Variants in OTOA observed in about 807,000 individuals in gnomAD.
The protein encoded by OTOA is otoancorin.
OTOA carries 70 observed loss-of-function variants against 110.8 expected under a neutral mutation model. The observed-to-expected ratio is 0.63, with a 90% CI of 0.52 to 0.77. The LOEUF is 0.77. OTOA is among the 30% of genes least tolerant of loss of function. The pLI is 0.00. For synonymous variants in OTOA, 373 were observed against 431.5 expected (o/e 0.86, Z 1.68); for missense variants, 917 against 1,075.8 (o/e 0.85, Z 2.06).
chr16:21,679,294 G>T, intron 5 of OTOA, 83 bp downstream of exon 5: 3 of 1,431,676 alleles, frequency 2.1e-6, no homozygotes, highest in Middle Eastern at 3.6e-4. Context: ...ATTGTAAAAA[G>T]TAATATGTGC....
chr16:21,736,688 G>A (rs964551637), intron 22 of OTOA, among the ~76,000 whole-genome samples: 1 of 152,042 alleles, frequency 6.6e-6, no homozygotes, highest in African/African-American at 2.4e-5. Flanking sequence ...AAAATTAGCC[G>A]GGTGTGGTGG....
chr16:21,682,884 C>T (rs960292853), intron 6 of OTOA, among the ~76,000 whole-genome samples: 1 of 152,190 alleles, frequency 6.6e-6, no homozygotes, highest in Non-Finnish European at 1.5e-5. Context: ...GGTCCCAGGA[C>T]AGCCACTAGC....
chr16:21,708,242 GCATTA>G (rs1898251863), intron 12 of OTOA, among the ~76,000 whole-genome samples: 1 of 152,118 alleles, frequency 6.6e-6, no homozygotes, highest in Non-Finnish European at 1.5e-5. Flanking sequence ...AGATCATCAG[GCATTA>G]GATTCTCATA....
At chr16:21,695,291 GC>G (rs1326622392) in intron 9 of OTOA, among the ~76,000 whole-genome samples, 2 of 148,400 alleles carry the variant, frequency 1.3e-5, no homozygotes, top group African/African-American at 5.0e-5. Flanking sequence ...TGTAGTCCTA[GC>G]TACTAGGGAG....
chr16:21,729,771 T>G (rs1364795929), intron 20 of OTOA: 1 of 152,234 alleles, frequency 6.6e-6, no homozygotes, highest in Non-Finnish European at 1.5e-5. Flanking sequence ...TCAGATAGAC[T>G]TCTTTCACTT....
chr16:21,677,250 C>T (rs1054487328), intron 1 of OTOA, among the ~76,000 whole-genome samples: 1 of 152,100 alleles, frequency 6.6e-6, no homozygotes, highest in Non-Finnish European at 1.5e-5. Context: ...ATATTTAACT[C>T]TGTAAGACAC....
At chr16:21,666,887 C>A (rs1966841172) in intron 1 of OTOA, among the ~76,000 whole-genome samples, 1 of 152,154 alleles carries the variant, frequency 6.6e-6, no homozygotes, top group African/African-American at 2.4e-5. Context: ...ACATTATGCA[C>A]AGCAGAAAGC....
At chr16:21,691,516 G>A (rs1897828365) in intron 8 of OTOA, 68 bp from the exon 9 acceptor site, 4 of 1,331,056 alleles carry the variant, frequency 3.0e-6, no homozygotes, top group Non-Finnish European at 3.2e-6. Context: ...ATTTGCTGTT[G>A]TGACTCCCTT....
chr16:21,700,724 C>CAA lies in OTOA; in HGVS notation c.841-150_841-149dup, dbSNP rs3054189. Among the ~76,000 whole-genome samples, 79,075 of 115,146 alleles carry CAA rather than the reference C, an allele frequency of 0.69. 26,200 individuals are homozygous for CAA. Among genetic ancestry groups the CAA allele is most frequent in the Non-Finnish European group, 0.71 (41,451 of 57,988 alleles). 75.5% of individuals were successfully genotyped at this position (115,146 alleles called of 152,430 possible). ...TGGGCGACAGAGTGAGACTCCATCT[C>CAA]AAAAAAAAAAAAAAAGAAAAGAAAA... On this transcript the variant is annotated intron_variant, in intron 10 of 28. Transcript: ENST00000646100.
At chr16:21,721,510 T>C (rs913712810) in intron 17 of OTOA, 2 of 455,866 alleles carry the variant, frequency 4.4e-6, no homozygotes, top group Non-Finnish European at 8.8e-6. Context: ...TGGTCGAAAA[T>C]GTCAATAATA....
intron 1 of OTOA, among the ~76,000 whole-genome samples, chr16:21,670,820 G>T (rs1966847964): frequency 1.3e-5 from 2 of 152,180 alleles, no homozygotes; most frequent in Admixed American, 6.6e-5. Context: ...TTCAGGGAAG[G>T]CTTCATTGAA....
intron 15 of OTOA, among the ~76,000 whole-genome samples, chr16:21,718,021 A>G (rs138680778): frequency 3.7e-4 from 57 of 152,202 alleles, no homozygotes; most frequent in African/African-American, 1.3e-3. Flanking sequence ...CAGTGGCACA[A>G]TCTTGGCTCA....
intron 24 of OTOA, among the ~76,000 whole-genome samples, chr16:21,750,053 A>G (rs1899780217): frequency 6.6e-6 from 1 of 152,276 alleles, no homozygotes. Flanking sequence ...ACATAGGTAG[A>G]TAAAATGAAT....
At chr16:21,689,970 G>A (rs902132847) in intron 8 of OTOA, among the ~76,000 whole-genome samples, 1 of 152,146 alleles carries the variant, frequency 6.6e-6, no homozygotes, top group African/African-American at 2.4e-5. Context: ...ACAGGTGTGA[G>A]CCACTGCACC....
intron 1 of OTOA, among the ~76,000 whole-genome samples, chr16:21,666,363 T>C (rs1362469689): frequency 6.6e-6 from 1 of 151,680 alleles, no homozygotes; most frequent in African/African-American, 2.4e-5. Context: ...TCCATGTAAT[T>C]GTGAATTAAT....
At chr16:21,751,457 T>A (rs1597867526) in intron 24 of OTOA, among the ~76,000 whole-genome samples, 2 of 46,064 alleles carry the variant, frequency 4.3e-5, no homozygotes. Flanking sequence ...CCTGGGGAGG[T>A]GGAGGTTGCA....
intron 24 of OTOA, among the ~76,000 whole-genome samples, chr16:21,749,827 G>T (rs1190886575): frequency 5.1e-5 from 7 of 136,062 alleles, no homozygotes; most frequent in South Asian, 5.5e-4. Flanking sequence ...GGGACCACAG[G>T]CACGTGCCAC....
rs57498010 is a variant in OTOA at position 21,675,307 on chromosome 16, A to ATTTT, written c.-4-3177_-4-3174dup. 8.3e-4 allele frequency among the ~76,000 whole-genome samples: 31 copies of ATTTT among 37,158 alleles called. 2 individuals are homozygous for ATTTT. The highest frequency in any genetic ancestry group is 3.2e-3 in the East Asian group (4 of 1,264). The allele number at this position is 37,158 out of a possible 152,430, so 24.4% of individuals were successfully genotyped here. A position where few individuals can be genotyped will look rare whatever the true frequency, so the allele number is the denominator to read the frequency against. ...GGGATTACAGCCACCACACCTGGCT[A>ATTTT]TTTTTTTTTTTTTTTTTTTTTTTTT... On this transcript the variant is annotated intron_variant, in intron 1 of 28. Transcript: ENST00000646100.
chr16:21,755,445 A>C (rs1384542807), intron 27 of OTOA, among the ~76,000 whole-genome samples: 6 of 85,802 alleles, frequency 7.0e-5, no homozygotes, highest in African/African-American at 1.8e-4. Flanking sequence ...TGACCACCCC[A>C]CCGTGTGTGT....
Sources: allele counts gnomAD v4.1 joint callset (sites outside exome capture counted in the v4.1 genomes callset), GRCh38; gene constraint gnomAD v4.1.1; transcripts MANE v1.5; gene names NCBI Gene and HGNC (gene_info 2026-07-23, HGNC 2026-07-21).